Variants in BAZ2B observed in about 807,000 individuals in gnomAD.
BAZ2B encodes bromodomain adjacent to zinc finger domain protein 2B.
In BAZ2B, 91 loss-of-function variants were observed where a neutral mutation model predicts 246.0. The ratio of observed to expected loss-of-function variants is 0.37; its 90% CI spans 0.31 to 0.44. BAZ2B has a LOEUF of 0.44. Ranked by LOEUF, BAZ2B falls within the 20% of genes least tolerant of loss-of-function variation. The pLI, the probability that BAZ2B is intolerant of heterozygous loss-of-function variation, is 1.00. For synonymous variants in BAZ2B, 855 were observed against 860.0 expected (o/e 0.99, Z 0.10); for missense variants, 2,332 against 2,533.7 (o/e 0.92, Z 1.71).
the BAZ2B span, among the ~76,000 whole-genome samples, chr2:159,699,267 G>A: frequency 1.3e-5 from 2 of 152,240 alleles, no homozygotes; most frequent in African/African-American, 2.4e-5. Context: ...CCAGGGTCAG[G>A]CACAGTGGCT....
At chr2:159,701,742 A>T in the BAZ2B span, among the ~76,000 whole-genome samples, 1 of 149,092 alleles carries the variant, frequency 6.7e-6, no homozygotes, top group East Asian at 1.9e-4. Context: ...TTATATATAT[A>T]TTTTGAAACA....
At chr2:159,532,511 C>G (rs2151326521) in intron 2 of BAZ2B, among the ~76,000 whole-genome samples, 1 of 152,240 alleles carries the variant, frequency 6.6e-6, no homozygotes, top group East Asian at 1.9e-4. Flanking sequence ...AATAAATGCA[C>G]TCATGAACAA....
chr2:159,385,418 C>A, intron 22 of BAZ2B, 49 bp from the exon 23 acceptor site: 1 of 1,471,720 alleles, frequency 6.8e-7, no homozygotes, highest in Non-Finnish European at 9.4e-7. Flanking sequence ...CCATTTATAC[C>A]ATAAAAACAA....
At chr2:159,454,801 T>C (rs2075538490) in intron 3 of BAZ2B, among the ~76,000 whole-genome samples, 2 of 152,320 alleles carry the variant, frequency 1.3e-5, no homozygotes, top group South Asian at 4.1e-4. Flanking sequence ...ATAAAAATCA[T>C]TTTTAGCTTT....
At chr2:159,349,661 G>T (rs1172192353) in intron 28 of BAZ2B, 47 bp downstream of exon 28, 5 of 1,515,494 alleles carry the variant, frequency 3.3e-6, no homozygotes, top group African/African-American at 1.4e-5. Flanking sequence ...TGGGGTCAAA[G>T]ATTACATAAA....
chr2:159,685,963 C>T, the BAZ2B span, among the ~76,000 whole-genome samples: 3 of 152,138 alleles, frequency 2.0e-5, no homozygotes, highest in Non-Finnish European at 4.4e-5. Context: ...TGGAATTTAA[C>T]AATAAAGAAT....
chr2:159,687,399 G>C, the BAZ2B span, among the ~76,000 whole-genome samples: 1 of 152,188 alleles, frequency 6.6e-6, no homozygotes, highest in Non-Finnish European at 1.5e-5. Flanking sequence ...AGACCTCTGA[G>C]GGAGGGAAGA....
intron 3 of BAZ2B, chr2:159,460,019 T>C (rs1294813389): frequency 3.9e-5 from 6 of 152,098 alleles, no homozygotes; most frequent in African/African-American, 1.2e-4. Flanking sequence ...TATTTTAAGA[T>C]AGGTAACTGT....
At chr2:159,337,391 C>G (rs1223495446) in intron 32 of BAZ2B, 176 bp downstream of exon 32, 1 of 1,402,528 alleles carries the variant, frequency 7.1e-7, no homozygotes, top group East Asian at 2.5e-5. Flanking sequence ...ACATAGATAA[C>G]AGGCAATAGA....
chr2:159,634,906 G>A, the BAZ2B span, among the ~76,000 whole-genome samples: 1 of 152,090 alleles, frequency 6.6e-6, no homozygotes, highest in Non-Finnish European at 1.5e-5. Flanking sequence ...ATTTAATGAA[G>A]AGACAATCCA....
chr2:159,377,386 T>C (rs544157866), intron 25 of BAZ2B, among the ~76,000 whole-genome samples: 1 of 152,368 alleles, frequency 6.6e-6, no homozygotes, highest in Non-Finnish European at 1.5e-5. Flanking sequence ...CATGAAATGT[T>C]AATTTGACTT....
chr2:159,342,091 A>G (rs1559020773), intron 31 of BAZ2B, among the ~76,000 whole-genome samples: 1 of 152,200 alleles, frequency 6.6e-6, no homozygotes, highest in Non-Finnish European at 1.5e-5. Flanking sequence ...TTTCCTAACA[A>G]TAAAATACCT....
At chr2:159,617,641 T>G (rs1302675333), upstream of BAZ2B, among the ~76,000 whole-genome samples, 1 of 152,170 alleles carries the variant, frequency 6.6e-6, no homozygotes, top group Non-Finnish European at 1.5e-5. Flanking sequence ...TTTATACATA[T>G]GTGGATAAAT....
chr2:159,658,965 T>C, the BAZ2B span, among the ~76,000 whole-genome samples: 2 of 152,318 alleles, frequency 1.3e-5, no homozygotes, highest in South Asian at 2.1e-4. Flanking sequence ...TAGCTGAAGA[T>C]TTTTGCACCT....
At chr2:159,509,902 T>G (rs913206386) in intron 2 of BAZ2B, among the ~76,000 whole-genome samples, 8 of 152,104 alleles carry the variant, frequency 5.3e-5, no homozygotes, top group African/African-American at 1.7e-4. Context: ...TACATACTAG[T>G]GTGTATGTAT....
At chr2:159,678,917 T>TA in the BAZ2B span, among the ~76,000 whole-genome samples, 1 of 152,338 alleles carries the variant, frequency 6.6e-6, no homozygotes, top group South Asian at 2.1e-4. Flanking sequence ...AATGGCATGA[T>TA]ACAGAAGGCA....
rs778553625 is a variant in BAZ2B, at chr2:159,397,221, A to T, written c.3009+124T>A. 130 of 1,255,044 alleles carry T rather than the reference A, an allele frequency of 1.0e-4. 1 individual carries two copies. The highest frequency in any genetic ancestry group is 2.0e-4 in the Admixed American group (7 of 35,746). The allele number at this position is 1,255,044 out of a possible 1,614,324, so 77.7% of individuals were successfully genotyped here. A position where few individuals can be genotyped will look rare whatever the true frequency, so the allele number is the denominator to read the frequency against. ...AGGCAATAAACTGTAGGTTGAAGGA[A>T]AAACTTAAGCAGAAATTATATCAGA... On this transcript the variant is annotated intron_variant, in intron 19 of 36. Coordinates refer to ENST00000392783, the MANE Select transcript of BAZ2B (RefSeq NM_013450.4).
intron 1 of BAZ2B, among the ~76,000 whole-genome samples, chr2:159,597,745 C>G (rs1691081245): frequency 6.6e-6 from 1 of 152,022 alleles, no homozygotes; most frequent in Admixed American, 6.6e-5. Flanking sequence ...AGTGAGCCAC[C>G]TCCTCCAGCC....
chr2:159,455,953 A>G (rs1253430009), intron 3 of BAZ2B, among the ~76,000 whole-genome samples: 1 of 151,960 alleles, frequency 6.6e-6, no homozygotes, highest in Non-Finnish European at 1.5e-5. Flanking sequence ...TAAACATACT[A>G]TGATCAGTTC....
Sources: gnomAD v4.1 joint callset for allele counts (sites outside exome capture counted in the v4.1 genomes callset) on GRCh38, gnomAD v4.1.1 for gene constraint, MANE v1.5 for transcripts, NCBI Gene and HGNC (gene_info 2026-07-23, HGNC 2026-07-21) for gene names.